Variants in TYR observed in about 807,000 individuals in gnomAD.
TYR encodes LB24-AB.
Under a neutral mutation model 51.5 loss-of-function variants are expected in TYR, and 58 were observed. The observed-to-expected ratio is 1.13, with a 90% CI of 0.91 to 1.40. TYR has a LOEUF of 1.40. TYR is among the 40% of genes most tolerant of loss of function. The pLI is 0.00. For missense variants in TYR, 732 were observed against 647.4 expected (o/e 1.13, Z -1.42); for synonymous variants, 263 against 235.2 (o/e 1.12, Z -1.08).
rs61754369 is a variant in TYR at position 89,178,710 on chromosome 11, G to A, written c.757G>A (p.Gly253Arg). The A allele has an allele frequency of 6.2e-6, 10 of 1,614,074 alleles. No individual in the cohort carries two copies. The highest frequency in any genetic ancestry group is 8.5e-6 in the Non-Finnish European group (10 of 1,180,000). The change falls in exon 1 of 5, where the codon GGA becomes AGA. Residue 253 changes from glycine to arginine, a missense_variant. Gly to Arg is a moderately radical substitution (Grantham distance 125, BLOSUM62 -2). Coordinates refer to ENST00000263321, the MANE Select transcript of TYR (RefSeq NM_000372.5). ...TGACATTTGCACAGATGAGTACATG[G>A]GAGGTCAGCACCCCACAAATCCTAA... ...KCDICTDEYM[G>R]GQHPTNPNLL...
At chr11:89,185,100 G>T (rs139541788) in intron 1 of TYR, among the ~76,000 whole-genome samples, 36 of 152,166 alleles carry the variant, frequency 2.4e-4, no homozygotes, top group African/African-American at 7.7e-4. Context: ...TATACGTCTC[G>T]CCTACTGTTC....
intron 2 of TYR, among the ~76,000 whole-genome samples, chr11:89,196,387 G>A (rs1186178408): frequency 6.6e-6 from 1 of 152,144 alleles, no homozygotes; most frequent in African/African-American, 2.4e-5. Context: ...TGAGGTGACA[G>A]CAGGAACAAA....
At chr11:89,182,434 T>A (rs1943313382) in intron 1 of TYR, among the ~76,000 whole-genome samples, 1 of 152,104 alleles carries the variant, frequency 6.6e-6, no homozygotes, top group African/African-American at 2.4e-5. Context: ...GTATAATATA[T>A]CTTGTGTCGT....
At chr11:89,270,716 CTT>C (rs1373080976) in intron 3 of TYR, among the ~76,000 whole-genome samples, 2 of 151,664 alleles carry the variant, frequency 1.3e-5, no homozygotes, top group South Asian at 2.1e-4. Context: ...ATAATTTAAT[CTT>C]GAACAATTTG....
At chr11:89,200,003 G>A (rs1943575592) in intron 2 of TYR, among the ~76,000 whole-genome samples, 1 of 152,108 alleles carries the variant, frequency 6.6e-6, no homozygotes, top group South Asian at 2.1e-4. Context: ...TAAGTCTTGG[G>A]AAAAATATCA....
At chr11:89,200,722 A>G (rs908531583) in intron 2 of TYR, 6 of 152,168 alleles carry the variant, frequency 3.9e-5, no homozygotes, top group African/African-American at 1.4e-4. Flanking sequence ...GACTACTTCT[A>G]CATTCAATAT....
chr11:89,208,135 T>C (rs1307279519), intron 2 of TYR, among the ~76,000 whole-genome samples: 7 of 152,106 alleles, frequency 4.6e-5, no homozygotes, highest in Admixed American at 1.3e-4. Flanking sequence ...CCAGATGTGG[T>C]GGCGGGCACC....
chr11:89,261,250 G>A (rs1372613863), intron 3 of TYR, among the ~76,000 whole-genome samples: 1 of 152,042 alleles, frequency 6.6e-6, no homozygotes, highest in African/African-American at 2.4e-5. Flanking sequence ...TGACATATAA[G>A]TAGATTAAGT....
chr11:89,258,354 G>C (rs1025781149), intron 3 of TYR, among the ~76,000 whole-genome samples: 1 of 149,836 alleles, frequency 6.7e-6, no homozygotes, highest in Non-Finnish European at 1.5e-5. Flanking sequence ...TTTTTTGCTA[G>C]AAGCCTGATG....
chr11:89,210,048 G>C (rs1010678379), intron 2 of TYR, among the ~76,000 whole-genome samples: 2 of 152,136 alleles, frequency 1.3e-5, no homozygotes, highest in Admixed American at 6.5e-5. Flanking sequence ...CCAAAAACCA[G>C]AATGCCTCTT....
chr11:89,231,962 G>A (rs1944056065), intron 3 of TYR, among the ~76,000 whole-genome samples: 1 of 131,828 alleles, frequency 7.6e-6, no homozygotes, highest in Non-Finnish European at 1.6e-5. Context: ...TCCAGCCTGG[G>A]CAACAGAGTG....
intron 4 of TYR, among the ~76,000 whole-genome samples, chr11:89,293,022 G>A (rs1437652507): frequency 6.6e-6 from 1 of 152,112 alleles, no homozygotes; most frequent in African/African-American, 2.4e-5. Context: ...TCTGGTTGGG[G>A]AGGTTGTTGG....
intron 4 of TYR, among the ~76,000 whole-genome samples, 173 bp from the exon 5 acceptor site, chr11:89,294,970 A>G (rs1944890264): frequency 6.6e-6 from 1 of 152,166 alleles, no homozygotes; most frequent in Non-Finnish European, 1.5e-5. Flanking sequence ...TGATGAAGAA[A>G]CTGAGGCTTT....
At chr11:89,244,517 C>A (rs2135294090) in intron 3 of TYR, among the ~76,000 whole-genome samples, 1 of 152,346 alleles carries the variant, frequency 6.6e-6, no homozygotes, top group South Asian at 2.1e-4. Context: ...AAATCCATGT[C>A]TCACTTTTGT....
chr11:89,240,223 G>T (rs1224311450), intron 3 of TYR, among the ~76,000 whole-genome samples: 1 of 151,640 alleles, frequency 6.6e-6, no homozygotes, highest in African/African-American at 2.4e-5. Flanking sequence ...TGTACATCCT[G>T]CACATGTACC....
intron 2 of TYR, among the ~76,000 whole-genome samples, chr11:89,217,709 A>C (rs966719315): frequency 1.3e-5 from 2 of 152,116 alleles, no homozygotes; most frequent in African/African-American, 4.8e-5. Flanking sequence ...CCTGAACTTT[A>C]GTTCTGGCCT....
chr11:89,235,705 T>C, intron 3 of TYR, among the ~76,000 whole-genome samples: 1 of 151,616 alleles, frequency 6.6e-6, no homozygotes, highest in Admixed American at 6.6e-5. Context: ...TCAATGAAAA[T>C]GTTAGTTGAA....
chr11:89,191,443 A>G (rs1378026463), intron 2 of TYR, 25 bp downstream of exon 2: 2 of 1,603,236 alleles, frequency 1.2e-6, no homozygotes, highest in Non-Finnish European at 1.7e-6. Flanking sequence ...TTCACTTTTA[A>G]TTTTTTTTCT....
Position 89,178,406 on chromosome 11 carries a change from C to A in TYR, c.453C>A (p.Ile151=), listed in dbSNP as rs371734545. The A allele has an allele frequency of 6.2e-7, 1 of 1,614,016 alleles. No homozygotes were observed. Among genetic ancestry groups the A allele is most frequent in the African/African-American group, 1.3e-5 (1 of 74,916 alleles). Reference sequence around the variant, plus strand: ...ATACCATCAGCTCAGACTATGTCATCCCCATAGGGACCTATGGCCAAATGA... The same window carrying A: ...ATACCATCAGCTCAGACTATGTCATACCCATAGGGACCTATGGCCAAATGA... ...AKHTISSDYV[I]PIGTYGQMKN... is the part of the protein sequence containing the mutation. Residue 151 remains isoleucine, a synonymous_variant, in exon 1 of 5, where the codon ATC becomes ATA. Coordinates refer to ENST00000263321, the MANE Select transcript of TYR (RefSeq NM_000372.5).
Sources: allele counts gnomAD v4.1 joint callset (sites outside exome capture counted in the v4.1 genomes callset), GRCh38; gene constraint gnomAD v4.1.1; transcripts MANE v1.5; gene names NCBI Gene and HGNC (gene_info 2026-07-23, HGNC 2026-07-21).